Variants in LUZP2 observed in about 807,000 individuals in gnomAD.
The protein encoded by LUZP2 is leucine zipper protein 2.
In LUZP2, 52 loss-of-function variants were observed where a neutral mutation model predicts 51.6. The ratio of observed to expected loss-of-function variants is 1.01; its 90% confidence interval spans 0.81 to 1.27. LUZP2 has a LOEUF of 1.27. LUZP2 is among the 50% of genes most tolerant of loss of function. The probability of loss-of-function intolerance (pLI) is 0.00; values close to 1 mark genes in which losing one functional copy is unlikely to be tolerated. For synonymous variants in LUZP2, 154 were observed against 137.3 expected, an observed-to-expected ratio of 1.12 and a Z score of -0.85; for missense variants, 436 against 395.4, an observed-to-expected ratio of 1.10 and a Z score of -0.87.
At chr11:24,941,150 G>A (rs1486502335) in intron 7 of LUZP2, among the ~76,000 whole-genome samples, 1 of 152,124 alleles carries the variant, frequency 6.6e-6, no homozygotes, top group Non-Finnish European at 1.5e-5. Flanking sequence ...GGAAAGTGTG[G>A]ATGAAGGTGC....
chr11:25,031,011 ATATAT>A (rs1857666417), intron 9 of LUZP2, among the ~76,000 whole-genome samples: 1 of 3,246 alleles, frequency 3.1e-4, no homozygotes, highest in African/African-American at 1.8e-3. Context: ...ATATATATAT[ATATAT>A]TTTTTTTTTT....
intron 5 of LUZP2, among the ~76,000 whole-genome samples, chr11:24,905,266 C>G (rs1043364515): frequency 3.3e-5 from 5 of 152,114 alleles, no homozygotes; most frequent in Non-Finnish European, 7.4e-5. Context: ...TGGCTGATAC[C>G]TGTAATCCCA....
chr11:25,040,684 G>C (rs1858026834), intron 9 of LUZP2, among the ~76,000 whole-genome samples: 1 of 152,116 alleles, frequency 6.6e-6, no homozygotes. Flanking sequence ...GATGTTTTAA[G>C]CATCTTCTTT....
rs983389824 is a variant in LUZP2, at chr11:24,739,279, T to G, written c.333+977T>G. Reference sequence around the variant, plus strand: ...GGGATTGGCCAGTTTGAGTGATTTTTGGTTGGCTTTGGGGCATAGCAGCTG... The same window carrying G: ...GGGATTGGCCAGTTTGAGTGATTTTGGGTTGGCTTTGGGGCATAGCAGCTG... On this transcript the variant is annotated intron_variant, in intron 4 of 11. Coordinates refer to ENST00000336930, the MANE Select transcript of LUZP2 (RefSeq NM_001009909.4). Among the ~76,000 whole-genome samples, 6 of 152,032 alleles carry G rather than the reference T, an allele frequency of 3.9e-5. No individual in the cohort carries two copies. The East Asian group carries it at 5.8e-4, about 15-fold the overall frequency.
chr11:24,865,724 ATATGTG>A (rs146132750), intron 5 of LUZP2, among the ~76,000 whole-genome samples: 77,303 of 136,138 alleles, frequency 0.57, 20,818 homozygotes, highest in East Asian at 0.63. Flanking sequence ...ATATATATAT[ATATGTG>A]TGTGTGTGTG....
rs977808655 is a variant in LUZP2, at chr11:24,751,656, GC to G, written c.334-11588del. ...TTTTCATTTTCTCCCCAGGACAGCA[GC>G]CATCATTGGCCCTTTTCCTGTACCC... On this transcript the variant is annotated intron_variant, in intron 4 of 11. Coordinates refer to ENST00000336930, the MANE Select transcript of LUZP2 (RefSeq NM_001009909.4). 13 of 685,608 alleles carry G rather than the reference GC, an allele frequency of 1.9e-5. No individual in the cohort carries two copies. The African/African-American group carries it at 2.2e-4, about 11-fold the overall frequency. The allele number at this position is 685,608 out of a possible 1,614,324, so 42.5% of individuals were successfully genotyped here. A position where few individuals can be genotyped will look rare whatever the true frequency, so the allele number is the denominator to read the frequency against.
intron 1 of LUZP2, among the ~76,000 whole-genome samples, chr11:24,690,241 A>T (rs1027976508): frequency 2.6e-5 from 4 of 152,162 alleles, no homozygotes; most frequent in African/African-American, 9.6e-5. Context: ...GAAAAAAAAT[A>T]AAAAGTCTCT....
chr11:25,076,754 A>G, intron 10 of LUZP2, among the ~76,000 whole-genome samples: 1 of 131,868 alleles, frequency 7.6e-6, no homozygotes, highest in East Asian at 2.2e-4. Flanking sequence ...TTTTTAATTT[A>G]TTTTTTTTTT....
At chr11:24,898,186 A>G (rs1228954124) in intron 5 of LUZP2, among the ~76,000 whole-genome samples, 1 of 152,188 alleles carries the variant, frequency 6.6e-6, no homozygotes, top group Non-Finnish European at 1.5e-5. Flanking sequence ...AAACGTAAGA[A>G]CTTACATAAA....
chr11:24,749,640 T>C (rs1590446949), intron 4 of LUZP2, among the ~76,000 whole-genome samples: 1 of 152,234 alleles, frequency 6.6e-6, no homozygotes, highest in East Asian at 1.9e-4. Flanking sequence ...GACTGATAAG[T>C]GATTTCAAAA....
chr11:24,892,003 A>G, intron 5 of LUZP2: 1 of 985,634 alleles, frequency 1.0e-6, no homozygotes, highest in Non-Finnish European at 1.2e-6. Context: ...TGGGACTGGT[A>G]GTGCAGGCTG....
chr11:24,966,206 T>C (rs906410026), intron 7 of LUZP2, among the ~76,000 whole-genome samples: 3 of 151,652 alleles, frequency 2.0e-5, no homozygotes, highest in Non-Finnish European at 4.4e-5. Flanking sequence ...TTTTAAAAAA[T>C]GTGGTTGTTT....
intron 5 of LUZP2, among the ~76,000 whole-genome samples, chr11:24,861,574 C>T (rs369556493): frequency 8.5e-5 from 13 of 152,224 alleles, no homozygotes; most frequent in East Asian, 3.9e-4. Context: ...CCCACACACC[C>T]GGGCTGAGCA....
chr11:25,050,171 A>T, intron 10 of LUZP2, 41 bp downstream of exon 10: 3 of 1,203,726 alleles, frequency 2.5e-6, no homozygotes, highest in East Asian at 2.6e-5. Flanking sequence ...ATTAGACAGG[A>T]GAAAAAAGCA....
intron 1 of LUZP2, among the ~76,000 whole-genome samples, chr11:24,717,297 TA>T (rs1157755588): frequency 6.6e-6 from 1 of 151,398 alleles, no homozygotes; most frequent in Non-Finnish European, 1.5e-5. Flanking sequence ...TTTCTTATTT[TA>T]AAAAACTTTT....
intron 1 of LUZP2, among the ~76,000 whole-genome samples, chr11:24,689,877 A>T (rs1173132994): frequency 6.6e-6 from 1 of 152,106 alleles, no homozygotes; most frequent in Admixed American, 6.5e-5. Flanking sequence ...CTATGTAGAC[A>T]AATTCTTACT....
intron 5 of LUZP2, among the ~76,000 whole-genome samples, chr11:24,840,020 T>C (rs1850978590): frequency 6.6e-6 from 1 of 151,764 alleles, no homozygotes; most frequent in Non-Finnish European, 1.5e-5. Flanking sequence ...TGCACCCCTT[T>C]AATAATACCA....
intron 9 of LUZP2, among the ~76,000 whole-genome samples, chr11:24,988,676 C>G (rs1856251299): frequency 6.6e-6 from 1 of 151,986 alleles, no homozygotes. Context: ...ATTCTTTTAA[C>G]AGCCCTGATA....
intron 4 of LUZP2, among the ~76,000 whole-genome samples, chr11:24,755,163 A>AG (rs1859729594): frequency 6.6e-6 from 1 of 151,712 alleles, no homozygotes; most frequent in South Asian, 2.1e-4. Flanking sequence ...GAAAAAAAAA[A>AG]CACACACACA....
Sources: allele counts gnomAD v4.1 joint callset (sites outside exome capture counted in the v4.1 genomes callset), GRCh38; gene constraint gnomAD v4.1.1; transcripts MANE v1.5; gene names NCBI Gene and HGNC (gene_info 2026-07-23, HGNC 2026-07-21).